The following RORA variants were observed in gnomAD, a reference collection of about 807,000 sequenced individuals.
RORA encodes the protein nuclear receptor ROR-alpha.
In RORA, 7 loss-of-function variants were observed where a neutral mutation model predicts 69.5. The observed-to-expected ratio is 0.10, with a 90% CI of 0.06 to 0.19. The LOEUF is 0.19. Among genes scored for constraint, RORA ranks in the 10% least tolerant of loss-of-function variants. The probability of loss-of-function intolerance (pLI) is 1.00; values close to 1 mark genes in which losing one functional copy is unlikely to be tolerated. For synonymous variants in RORA, 261 were observed against 240.8 expected, an observed-to-expected ratio of 1.08 and a Z score of -0.78; for missense variants, 457 against 663.0, an observed-to-expected ratio of 0.69 and a Z score of 3.41.
intron 1 of RORA, among the ~76,000 whole-genome samples, chr15:61,099,412 G>A (rs923681655): frequency 6.6e-6 from 1 of 152,126 alleles, no homozygotes; most frequent in Non-Finnish European, 1.5e-5. Flanking sequence ...CCCCAGTGAG[G>A]GAAGGGAAAC....
At chr15:61,075,538 A>C (rs1396043098) in intron 1 of RORA, among the ~76,000 whole-genome samples, 1 of 152,244 alleles carries the variant, frequency 6.6e-6, no homozygotes, top group Non-Finnish European at 1.5e-5. Flanking sequence ...TGAGTGGAGA[A>C]GTAAGGGTTT....
chr15:61,044,575 T>C (rs1896936374), intron 1 of RORA, among the ~76,000 whole-genome samples: 1 of 152,240 alleles, frequency 6.6e-6, no homozygotes, highest in Admixed American at 6.5e-5. Flanking sequence ...TTGGATATAT[T>C]GAGTTAAAAA....
At chr15:60,843,848 A>AAAGCAT (rs1261850394) in intron 1 of RORA, among the ~76,000 whole-genome samples, 1 of 152,200 alleles carries the variant, frequency 6.6e-6, no homozygotes, top group Non-Finnish European at 1.5e-5. Flanking sequence ...ATTGAATCTT[A>AAAGCAT]AAGCATACCC....
chr15:61,141,551 A>T (rs1325751042), intron 1 of RORA, among the ~76,000 whole-genome samples: 2 of 152,208 alleles, frequency 1.3e-5, no homozygotes, highest in African/African-American at 4.8e-5. Flanking sequence ...AAATTTTAGA[A>T]ATCTATTGGA....
intron 2 of RORA, among the ~76,000 whole-genome samples, chr15:60,591,725 CCCAGAGCGT>C (rs2068518961): frequency 1.3e-5 from 2 of 152,140 alleles, no homozygotes; most frequent in Non-Finnish European, 2.9e-5. Flanking sequence ...CCCTGGGCCG[CCCAGAGCGT>C]CTTGGCACGC....
In RORA at chr15:60,707,339, TTTA is replaced by T. The variant is rs200715348; in HGVS notation, c.167-28656_167-28654del. On this transcript the variant is annotated intron_variant, in intron 1 of 10. Transcript: ENST00000335670. ...CATGGTCATCTATTTCTTTATTTTA[TTTA>T]TTTATTTATTTATTTATTTATTTAT... is the stretch of plus-strand genomic sequence containing the variant. 5.8e-3 allele frequency among the ~76,000 whole-genome samples: 585 copies of T among 101,636 alleles called. 5 individuals are homozygous for T. Among genetic ancestry groups the T allele is most frequent in the African/African-American group, 0.027 (537 of 19,962 alleles). The allele number at this position is 101,636 out of a possible 152,430, so 66.7% of individuals were successfully genotyped here. A position where few individuals can be genotyped will look rare whatever the true frequency, so the allele number is the denominator to read the frequency against.
intron 1 of RORA, among the ~76,000 whole-genome samples, chr15:61,044,716 A>G (rs1467689175): frequency 1.3e-5 from 2 of 152,120 alleles, no homozygotes; most frequent in Non-Finnish European, 2.9e-5. Context: ...TGTTCTAGAC[A>G]CTCATCAGGT....
At chr15:61,019,027 T>C (rs1172512846) in intron 1 of RORA, among the ~76,000 whole-genome samples, 2 of 152,214 alleles carry the variant, frequency 1.3e-5, no homozygotes, top group Non-Finnish European at 2.9e-5. Context: ...TCTTATCTAA[T>C]ACACCCTCTG....
intron 1 of RORA, chr15:61,181,205 A>G (rs2079682316): frequency 6.6e-6 from 1 of 152,158 alleles, no homozygotes; most frequent in South Asian, 2.1e-4. Context: ...CAATAGTAAC[A>G]TTCCATATGT....
intron 1 of RORA, among the ~76,000 whole-genome samples, chr15:61,150,936 C>T (rs1178837183): frequency 6.6e-6 from 1 of 152,150 alleles, no homozygotes; most frequent in African/African-American, 2.4e-5. Flanking sequence ...TGCATATCTG[C>T]AGAGCTTTTA....
At chr15:61,227,009 A>G (rs1264269086) in intron 1 of RORA, among the ~76,000 whole-genome samples, 3 of 152,120 alleles carry the variant, frequency 2.0e-5, no homozygotes, top group Non-Finnish European at 4.4e-5. Flanking sequence ...CCGGCGTTAC[A>G]TAATTTGCAA....
At chr15:60,547,475 C>T (rs548812056) in intron 2 of RORA, among the ~76,000 whole-genome samples, 3 of 152,054 alleles carry the variant, frequency 2.0e-5, no homozygotes, top group East Asian at 1.9e-4. Flanking sequence ...TACAGGCGCC[C>T]ACCACCACGT....
chr15:60,680,190 A>T (rs2070622769), intron 1 of RORA, among the ~76,000 whole-genome samples: 2 of 152,340 alleles, frequency 1.3e-5, no homozygotes, highest in Admixed American at 1.3e-4. Flanking sequence ...TTTCAGCATT[A>T]TGAGAGATAT....
chr15:60,896,285 A>G (rs1033507883), intron 1 of RORA, among the ~76,000 whole-genome samples: 15 of 152,262 alleles, frequency 9.9e-5, no homozygotes, highest in African/African-American at 3.6e-4. Flanking sequence ...TCAGTACTCA[A>G]AGCTAACGCA....
rs1026593014 is a variant in RORA, at chr15:61,182,430, C to G, written c.166+46623G>C. Among the ~76,000 whole-genome samples, 12 of 152,316 alleles carry G rather than the reference C, an allele frequency of 7.9e-5. No individual in the cohort carries two copies. In the East Asian group the frequency reaches 1.7e-3, roughly 22 times the overall value. On this transcript the variant is annotated intron_variant, in intron 1 of 10. Transcript: ENST00000335670. Reference sequence around the variant, plus strand: ...GCTAGCCCTGAGCACCATTTCCTCTCTACATAAATAAAAGCAATGCTTTAC... The same window carrying G: ...GCTAGCCCTGAGCACCATTTCCTCTGTACATAAATAAAAGCAATGCTTTAC...
intron 1 of RORA, among the ~76,000 whole-genome samples, chr15:61,124,106 G>A (rs962148277): frequency 6.6e-6 from 1 of 152,196 alleles, no homozygotes; most frequent in African/African-American, 2.4e-5. Context: ...TCCCTTCAAA[G>A]CAGATTTCCC....
At chr15:60,849,757 T>C (rs1243044011) in intron 1 of RORA, among the ~76,000 whole-genome samples, 1 of 152,156 alleles carries the variant, frequency 6.6e-6, no homozygotes, top group East Asian at 1.9e-4. Flanking sequence ...AATGTGGAGC[T>C]GGGAAGAAAC....
intron 1 of RORA, among the ~76,000 whole-genome samples, chr15:60,871,419 G>A (rs1595780631): frequency 6.6e-6 from 1 of 152,190 alleles, no homozygotes; most frequent in African/African-American, 2.4e-5. Flanking sequence ...TGGGATTGGA[G>A]AATGACATCT....
chr15:60,879,806 TAGC>T, intron 1 of RORA, among the ~76,000 whole-genome samples: 1 of 152,232 alleles, frequency 6.6e-6, no homozygotes, highest in Admixed American at 6.5e-5. Flanking sequence ...AAATGTTACT[TAGC>T]AGAAACAAAT....
Sources: gnomAD v4.1 joint callset for allele counts (sites outside exome capture counted in the v4.1 genomes callset) on GRCh38, gnomAD v4.1.1 for gene constraint, MANE v1.5 for transcripts, NCBI Gene and HGNC (gene_info 2026-07-23, HGNC 2026-07-21) for gene names.